Variants in ATL2 observed in about 807,000 individuals in gnomAD.
ATL2 encodes the protein atlastin-2.
A neutral mutation model predicts 73.9 loss-of-function variants in ATL2; 31 were observed. That is an observed-to-expected ratio of 0.42 (90% CI 0.32 to 0.57). The LOEUF (loss-of-function observed/expected upper bound fraction) is 0.57. Ranked by LOEUF, ATL2 falls within the 20% of genes least tolerant of loss-of-function variation. ATL2 has a pLI of 0.14. For missense variants in ATL2, 738 were observed against 702.6 expected, an observed-to-expected ratio of 1.05 and a Z score of -0.57; for synonymous variants, 291 against 237.5, an observed-to-expected ratio of 1.23 and a Z score of -2.07.
chr2:38,353,599 C>A (rs972312200), intron 1 of ATL2, among the ~76,000 whole-genome samples: 1 of 152,138 alleles, frequency 6.6e-6, no homozygotes, highest in South Asian at 2.1e-4. Context: ...GCTCAGCAAA[C>A]CTCCAGTACG....
chr2:38,377,674 A>T (rs746880342), upstream of ATL2, among the ~76,000 whole-genome samples: 4 of 151,724 alleles, frequency 2.6e-5, no homozygotes, highest in Non-Finnish European at 4.4e-5. Context: ...TACATCTCTA[A>T]TCGTTGATTC....
rs538314997 is a variant in ATL2 at position 38,316,262 on chromosome 2, T to C, written c.604-928A>G. 4.6e-5 allele frequency among the ~76,000 whole-genome samples: 7 copies of C among 152,312 alleles called. No individual in the cohort carries two copies. The East Asian group carries it at 1.3e-3, about 29-fold the overall frequency. The stretch of plus-strand genomic sequence containing the variant: ...CTTAGCTACTAATTCCAAACAAGGA[T>C]TTAAAAAGTAATTGATGACTGAGGT... On this transcript the variant is annotated intron_variant, in intron 4 of 12. Transcript: ENST00000378954.
rs372096735 is a variant in ATL2, at chr2:38,305,603, G to C, written c.1071+3776C>G. ...ATCAAGTATCTTCTCTGACCACAATGGAATAAAATCAATAACGAGGAATTT... is the reference window on the plus strand; with the variant it reads ...ATCAAGTATCTTCTCTGACCACAATCGAATAAAATCAATAACGAGGAATTT... On this transcript the variant is annotated intron_variant, in intron 9 of 12. Transcript: ENST00000378954. 2.1e-4 allele frequency among the ~76,000 whole-genome samples: 32 copies of C among 151,834 alleles called. No homozygotes were observed. The East Asian group carries it at 5.6e-3, about 27-fold the overall frequency.
At position 38,319,169 on chromosome 2, in the gene ATL2, T is replaced by C. The variant is rs527299181; in HGVS notation, c.364-150A>G. On this transcript the variant is annotated intron_variant, in intron 2 of 12. Coordinates refer to ENST00000378954, the MANE Select transcript of ATL2 (RefSeq NM_001135673.4). Reference sequence around the variant, plus strand: ...TAACAAACAAGTAGTTACAAAGCAGTCCTTAAATCCCATGTGGGGTTCTTT... The same window carrying C: ...TAACAAACAAGTAGTTACAAAGCAGCCCTTAAATCCCATGTGGGGTTCTTT... 1.1e-5 allele frequency: 9 copies of C among 835,344 alleles called. No homozygotes were observed. In the African/African-American group the frequency reaches 1.4e-4, roughly 13 times the overall value. The allele number at this position is 835,344 out of a possible 1,614,324, so 51.7% of individuals were successfully genotyped here.
chr2:38,301,918 A>G (rs927162145), intron 9 of ATL2, among the ~76,000 whole-genome samples: 3 of 152,152 alleles, frequency 2.0e-5, no homozygotes, highest in African/African-American at 7.2e-5. Context: ...CAGCTCTGAG[A>G]GAGAGTCTTT....
chr2:38,308,251 G>A (rs181864749), intron 9 of ATL2, among the ~76,000 whole-genome samples: 5 of 152,132 alleles, frequency 3.3e-5, no homozygotes, highest in Admixed American at 6.5e-5. Context: ...ACATATACAC[G>A]ATGAAGTACT....
At chr2:38,304,689 T>C (rs1317197585) in intron 9 of ATL2, among the ~76,000 whole-genome samples, 1 of 152,238 alleles carries the variant, frequency 6.6e-6, no homozygotes, top group Non-Finnish European at 1.5e-5. Flanking sequence ...TAGTTTTCTC[T>C]TTCCTTGTTA....
chr2:38,343,615 TC>T (rs35263768), intron 1 of ATL2, 103 bp from the exon 2 acceptor site: 288,054 of 952,748 alleles, frequency 0.3, 52,931 homozygotes, highest in African/African-American at 0.74. Flanking sequence ...AATTGCCCCC[TC>T]CCCCCATTAT....
intron 2 of ATL2, among the ~76,000 whole-genome samples, chr2:38,332,200 G>C (rs1384135647): frequency 1.3e-5 from 2 of 152,064 alleles, no homozygotes; most frequent in Non-Finnish European, 1.5e-5. Context: ...GATTCATTTT[G>C]AGATGATGGA....
chr2:38,334,895 T>TTATAATTATAA lies in ATL2; in HGVS notation c.363+8372_363+8373insTTATAATTATA, dbSNP rs1180768173. Among the ~76,000 whole-genome samples the TTATAATTATAA allele has an allele frequency of 1.9e-3, 268 of 138,136 alleles. 3 individuals carry two copies. Among genetic ancestry groups the TTATAATTATAA allele is most frequent in the Middle Eastern group, 3.7e-3 (1 of 272 alleles). 90.6% of individuals were successfully genotyped at this position (138,136 alleles called of 152,430 possible). ...AATATATATTATATAATATATAATATATATTATTTATAATATATAAATATA... is the reference window on the plus strand; with the variant it reads ...AATATATATTATATAATATATAATATTATAATTATAAATATTATTTATAATATATAAATATA... On this transcript the variant is annotated intron_variant, in intron 2 of 12. Transcript: ENST00000378954.
At chr2:38,326,892 G>A (rs1438470975) in intron 2 of ATL2, among the ~76,000 whole-genome samples, 1 of 152,096 alleles carries the variant, frequency 6.6e-6, no homozygotes, top group Non-Finnish European at 1.5e-5. Context: ...GGAGGCTGAG[G>A]CAGGAGAATC....
At chr2:38,362,170 T>G (rs2124471163) in intron 1 of ATL2, among the ~76,000 whole-genome samples, 1 of 152,308 alleles carries the variant, frequency 6.6e-6, no homozygotes, top group African/African-American at 2.4e-5. Context: ...TTGTTTTTGC[T>G]TGGGAAAGGT....
intron 1 of ATL2, chr2:38,358,378 C>G (rs1670798929): frequency 6.5e-6 from 1 of 154,498 alleles, no homozygotes; most frequent in African/African-American, 2.4e-5. Context: ...ATAAAACAAT[C>G]TCTACTTAAA....
chr2:38,300,158 G>T, intron 10 of ATL2, 114 bp downstream of exon 10: 1 of 907,700 alleles, frequency 1.1e-6, no homozygotes, highest in Non-Finnish European at 1.7e-6. Flanking sequence ...AGCAAAATGT[G>T]TTTGCATGCA....
At chr2:38,320,504 T>C (rs58572551) in intron 2 of ATL2, among the ~76,000 whole-genome samples, 14,447 of 152,186 alleles carry the variant, frequency 0.095, 2,294 homozygotes, top group African/African-American at 0.33. Flanking sequence ...TAATAAAAGT[T>C]TTTAACTAGA....
intron 6 of ATL2, among the ~76,000 whole-genome samples, chr2:38,313,687 C>A (rs1667877882): frequency 7.2e-6 from 1 of 138,606 alleles, no homozygotes; most frequent in South Asian, 2.1e-4. Context: ...TTCTCAAATG[C>A]TGACATTTTG....
chr2:38,338,899 T>C (rs77865269), intron 2 of ATL2, among the ~76,000 whole-genome samples: 3,743 of 152,252 alleles, frequency 0.025, 66 homozygotes, highest in Middle Eastern at 0.041. Context: ...TGAGGAACGT[T>C]CTTCAAAATA....
intron 1 of ATL2, among the ~76,000 whole-genome samples, chr2:38,345,356 A>G (rs1669959594): frequency 6.6e-6 from 1 of 152,200 alleles, no homozygotes; most frequent in Admixed American, 6.5e-5. Flanking sequence ...AAGATTATAT[A>G]ACTACATTAG....
chr2:38,370,193 G>A (rs1439387819), intron 1 of ATL2, among the ~76,000 whole-genome samples: 15 of 149,358 alleles, frequency 1.0e-4, no homozygotes, highest in African/African-American at 3.5e-4. Flanking sequence ...AAGACCGGGC[G>A]GTCGCTCACA....
Sources: gnomAD v4.1 joint callset for allele counts (sites outside exome capture counted in the v4.1 genomes callset) on GRCh38, gnomAD v4.1.1 for gene constraint, MANE v1.5 for transcripts, NCBI Gene and HGNC (gene_info 2026-07-23, HGNC 2026-07-21) for gene names.